KIAA1328: variants seen among roughly 807,000 people sequenced by gnomAD.
KIAA1328 encodes KIAA1328.
In KIAA1328, 52 loss-of-function variants were observed where a neutral mutation model predicts 68.1. That is an observed-to-expected ratio of 0.76 (90% CI 0.61 to 0.96). The LOEUF (loss-of-function observed/expected upper bound fraction) is 0.96, where lower values mean the gene tolerates loss of function less well. Among genes scored for constraint, KIAA1328 ranks in the 40% least tolerant of loss-of-function variants. The pLI, the probability that KIAA1328 is intolerant of heterozygous loss-of-function variation, is 0.00. For synonymous variants in KIAA1328, 232 were observed against 239.4 expected (o/e 0.97, Z 0.28); for missense variants, 641 against 677.6 (o/e 0.95, Z 0.60).
chr18:36,962,555 G>A (rs1271440831), intron 6 of KIAA1328, among the ~76,000 whole-genome samples: 1 of 152,094 alleles, frequency 6.6e-6, no homozygotes, highest in African/African-American at 2.4e-5. Context: ...TTCTAAAATT[G>A]ACTACGTAAT....
At chr18:36,921,497 G>A (rs573327956) in intron 5 of KIAA1328, among the ~76,000 whole-genome samples, 148 of 151,886 alleles carry the variant, frequency 9.7e-4, no homozygotes, top group Non-Finnish European at 1.5e-3. Context: ...TCCACCTCCC[G>A]GGTTCACGCC....
intron 6 of KIAA1328, among the ~76,000 whole-genome samples, chr18:37,050,023 ACT>A (rs1477988825): frequency 6.6e-6 from 1 of 151,884 alleles, no homozygotes; most frequent in African/African-American, 2.4e-5. Flanking sequence ...TTTTGTTAAA[ACT>A]CTCTTTCATA....
chr18:36,994,703 A>G (rs971494426), intron 6 of KIAA1328, among the ~76,000 whole-genome samples: 2 of 152,088 alleles, frequency 1.3e-5, no homozygotes, highest in South Asian at 4.1e-4. Flanking sequence ...CATTCTGCTT[A>G]TTTTAGCTTA....
intron 7 of KIAA1328, among the ~76,000 whole-genome samples, chr18:37,118,022 G>A (rs79235184): frequency 2.6e-5 from 2 of 77,074 alleles, no homozygotes; most frequent in Admixed American, 1.2e-4. Flanking sequence ...TTTTTTTTTT[G>A]AGACACATTC....
chr18:36,893,006 C>T (rs562430662), intron 5 of KIAA1328, among the ~76,000 whole-genome samples: 4 of 152,182 alleles, frequency 2.6e-5, no homozygotes, highest in Admixed American at 6.5e-5. Flanking sequence ...CATGAATATA[C>T]CCATGTAACA....
At chr18:37,091,768 A>G (rs1568392100) in intron 7 of KIAA1328, among the ~76,000 whole-genome samples, 2 of 152,164 alleles carry the variant, frequency 1.3e-5, no homozygotes, top group Non-Finnish European at 2.9e-5. Flanking sequence ...CCCAGTAGTG[A>G]AGCCAGATAT....
At chr18:36,942,413 GAACA>G (rs938887648) in intron 5 of KIAA1328, among the ~76,000 whole-genome samples, 1 of 152,176 alleles carries the variant, frequency 6.6e-6, no homozygotes, top group Admixed American at 6.5e-5. Context: ...TAGAGACATA[GAACA>G]AACCTTTAAT....
chr18:36,895,338 G>C (rs1036916207), intron 5 of KIAA1328, among the ~76,000 whole-genome samples: 5 of 152,170 alleles, frequency 3.3e-5, no homozygotes, highest in Non-Finnish European at 7.3e-5. Flanking sequence ...CTTTGCAAAG[G>C]CTTTAGGCTA....
At chr18:36,900,084 T>G (rs549811981) in intron 5 of KIAA1328, among the ~76,000 whole-genome samples, 17 of 151,996 alleles carry the variant, frequency 1.1e-4, no homozygotes, top group Non-Finnish European at 2.5e-4. Flanking sequence ...TGATTACCAC[T>G]ATATACTTTC....
At chr18:37,124,288 A>C (rs941947522) in intron 7 of KIAA1328, among the ~76,000 whole-genome samples, 2 of 152,116 alleles carry the variant, frequency 1.3e-5, no homozygotes, top group African/African-American at 2.4e-5. Context: ...TGCTCAAGCA[A>C]ATAATTTTAT....
chr18:36,910,284 G>C (rs535322033), intron 5 of KIAA1328, among the ~76,000 whole-genome samples: 45 of 152,180 alleles, frequency 3.0e-4, no homozygotes, highest in African/African-American at 9.9e-4. Context: ...AATCCATCTT[G>C]AATTAATTTT....
At chr18:37,145,631 A>G (rs1285516491) in intron 7 of KIAA1328, among the ~76,000 whole-genome samples, 1 of 152,146 alleles carries the variant, frequency 6.6e-6, no homozygotes, top group Admixed American at 6.5e-5. Context: ...ATTTTGAAGC[A>G]TTGTTCTAGA....
chr18:36,856,841 G>A (rs1456333050), intron 4 of KIAA1328, among the ~76,000 whole-genome samples: 1 of 152,148 alleles, frequency 6.6e-6, no homozygotes, highest in Non-Finnish European at 1.5e-5. Context: ...GTTGTTGCTT[G>A]TTGAGGTCTG....
At position 37,120,859 on chromosome 18, in the gene KIAA1328, G is replaced by C. The variant is rs548843346; in HGVS notation, c.1233-39341G>C. 5.9e-5 allele frequency among the ~76,000 whole-genome samples: 9 copies of C among 152,232 alleles called. 1 individual carries two copies. The South Asian group carries it at 1.9e-3, about 32-fold the overall frequency. On this transcript the variant is annotated intron_variant, in intron 7 of 9. Transcript: ENST00000280020. ...AGAAAGTTTGAAGAGTTTCTAGAGA[G>C]AATGAAGAAATTAATATAAAAGGAA...
At chr18:37,058,446 C>T (rs1477869101) in intron 6 of KIAA1328, among the ~76,000 whole-genome samples, 4 of 152,162 alleles carry the variant, frequency 2.6e-5, no homozygotes, top group Admixed American at 6.5e-5. Flanking sequence ...GGCATGGTGG[C>T]TCATGCCTGT....
chr18:36,885,937 G>C (rs1364275349), intron 5 of KIAA1328: 4 of 411,450 alleles, frequency 9.7e-6, no homozygotes, highest in Non-Finnish European at 1.7e-5. Context: ...GGCTGGTCTT[G>C]AACTCCTGAC....
intron 8 of KIAA1328, among the ~76,000 whole-genome samples, 187 bp downstream of exon 8, chr18:37,160,568 A>C (rs1015461538): frequency 6.6e-6 from 1 of 152,212 alleles, no homozygotes; most frequent in African/African-American, 2.4e-5. Flanking sequence ...TTTTCTTAGA[A>C]TACTGGAATG....
At chr18:36,965,442 G>A (rs1013170645) in intron 6 of KIAA1328, among the ~76,000 whole-genome samples, 6 of 149,834 alleles carry the variant, frequency 4.0e-5, no homozygotes, top group Admixed American at 1.3e-4. Flanking sequence ...TCAGGAGTTC[G>A]AAACCAGCCT....
chr18:37,084,059 C>T, intron 7 of KIAA1328: 1 of 924,590 alleles, frequency 1.1e-6, no homozygotes, highest in Non-Finnish European at 1.4e-6. Flanking sequence ...GCATGGTTTT[C>T]CAAAATTTAT....
Sources: allele counts gnomAD v4.1 joint callset (sites outside exome capture counted in the v4.1 genomes callset), GRCh38; gene constraint gnomAD v4.1.1; transcripts MANE v1.5; gene names NCBI Gene and HGNC (gene_info 2026-07-23, HGNC 2026-07-21).